RALY: variants seen among roughly 807,000 people sequenced by gnomAD.
RALY encodes RALY heterogeneous nuclear ribonucleoprotein.
Under a neutral mutation model 30.7 loss-of-function variants are expected in RALY, and 15 were observed. That is an observed-to-expected ratio of 0.49 (90% CI 0.33 to 0.75). RALY has a LOEUF of 0.75. Among genes scored for constraint, RALY ranks in the 30% least tolerant of loss-of-function variants. The pLI, the probability that RALY is intolerant of heterozygous loss-of-function variation, is 0.02. For missense variants in RALY, 339 were observed against 414.3 expected (o/e 0.82, Z 1.58); for synonymous variants, 177 against 170.8 (o/e 1.04, Z -0.28).
At chr20:34,017,581 A>G (rs1201578018) in intron 1 of RALY, 2 of 152,216 alleles carry the variant, frequency 1.3e-5, no homozygotes, top group African/African-American at 4.8e-5. Context: ...CTCCTTTCCA[A>G]GTTCCCTAAG....
intron 1 of RALY, among the ~76,000 whole-genome samples, chr20:34,019,977 C>T (rs937720515): frequency 2.0e-5 from 3 of 152,098 alleles, no homozygotes; most frequent in Non-Finnish European, 4.4e-5. Context: ...AGGAGAATGG[C>T]GTGAACCCGG....
chr20:34,020,896 A>G (rs1568659343), intron 1 of RALY, among the ~76,000 whole-genome samples: 1 of 152,216 alleles, frequency 6.6e-6, no homozygotes, highest in South Asian at 2.1e-4. Flanking sequence ...CACCTGTCCT[A>G]CCTACCGCTC....
intron 1 of RALY, among the ~76,000 whole-genome samples, chr20:34,026,655 C>T (rs557992938): frequency 6.6e-6 from 1 of 151,958 alleles, no homozygotes; most frequent in East Asian, 1.9e-4. Flanking sequence ...CGTGATCCGC[C>T]CGCCTTGGCC....
intron 2 of RALY, among the ~76,000 whole-genome samples, chr20:34,053,501 A>G (rs2123183937): frequency 7.0e-6 from 1 of 143,526 alleles, no homozygotes; most frequent in East Asian, 2.1e-4. Context: ...GGGCTCAAGC[A>G]GTCCTCCCAC....
intron 2 of RALY, among the ~76,000 whole-genome samples, chr20:34,039,691 A>T (rs2032625449): frequency 6.6e-6 from 1 of 152,074 alleles, no homozygotes. Flanking sequence ...ACCTGATCCT[A>T]CTCCCTCATT....
chr20:34,017,763 A>T (rs879802671), intron 1 of RALY: 5 of 152,250 alleles, frequency 3.3e-5, no homozygotes, highest in Admixed American at 3.3e-4. Context: ...CTCAGCAGCC[A>T]GTGTGGTCAG....
intron 2 of RALY, among the ~76,000 whole-genome samples, chr20:34,057,279 T>C (rs1568685273): frequency 6.6e-5 from 10 of 151,892 alleles, no homozygotes. Flanking sequence ...CATAGAGGGG[T>C]GGGGGTTAGA....
intron 1 of RALY, among the ~76,000 whole-genome samples, chr20:34,012,265 G>A (rs2031431676): frequency 1.3e-5 from 2 of 152,126 alleles, no homozygotes; most frequent in Admixed American, 1.3e-4. Context: ...GGTGGCGGAA[G>A]GTTGCCGTGG....
chr20:34,052,777 G>A (rs762902791), intron 2 of RALY, among the ~76,000 whole-genome samples: 26 of 152,132 alleles, frequency 1.7e-4, no homozygotes, highest in Non-Finnish European at 2.6e-4. Context: ...TCATCCAGTA[G>A]GCCCACAGTC....
chr20:34,042,675 G>T (rs2032744094), intron 2 of RALY, among the ~76,000 whole-genome samples: 1 of 152,208 alleles, frequency 6.6e-6, no homozygotes, highest in South Asian at 2.1e-4. Context: ...GATTTAGATT[G>T]TTAATGAAAG....
chr20:34,005,668 C>G (rs2031126491), intron 1 of RALY, among the ~76,000 whole-genome samples: 1 of 152,180 alleles, frequency 6.6e-6, no homozygotes, highest in Non-Finnish European at 1.5e-5. Context: ...GCCTTTTATA[C>G]ATATAAAATA....
chr20:34,053,131 A>G (rs2033131682), intron 2 of RALY, among the ~76,000 whole-genome samples: 1 of 151,744 alleles, frequency 6.6e-6, no homozygotes, highest in South Asian at 2.1e-4. Context: ...AAGTGCTGGG[A>G]TTACAGGTGT....
chr20:34,076,240 GAGTCC>G, intron 6 of RALY, 200 bp downstream of exon 6: 1 of 698,772 alleles, frequency 1.4e-6, no homozygotes, highest in Non-Finnish European at 2.3e-6. Context: ...TGGGCACAGA[GAGTCC>G]AGTGCTGGAT....
chr20:34,064,120 C>T (rs1339931684), intron 2 of RALY, among the ~76,000 whole-genome samples: 2 of 151,940 alleles, frequency 1.3e-5, no homozygotes, highest in East Asian at 3.9e-4. Context: ...ACTTATTTGG[C>T]AAAAAATAAA....
chr20:34,040,220 G>GTTCAGT (rs2032649391), intron 2 of RALY, among the ~76,000 whole-genome samples: 1 of 152,118 alleles, frequency 6.6e-6, no homozygotes. Context: ...TCAGGTTCAG[G>GTTCAGT]TTCACACCCG....
At chr20:34,013,811 T>C (rs1434573728) in intron 1 of RALY, among the ~76,000 whole-genome samples, 2 of 152,196 alleles carry the variant, frequency 1.3e-5, no homozygotes, top group African/African-American at 4.8e-5. Context: ...CCCTTGTGTC[T>C]CTGAAATAGG....
intron 1 of RALY, among the ~76,000 whole-genome samples, chr20:34,004,422 C>A (rs917996774): frequency 6.6e-6 from 1 of 152,228 alleles, no homozygotes; most frequent in African/African-American, 2.4e-5. Context: ...TCCCTTCCCC[C>A]CTTTTCCAGA....
intron 1 of RALY, among the ~76,000 whole-genome samples, chr20:34,027,901 A>G (rs1241774589): frequency 6.6e-6 from 1 of 152,244 alleles, no homozygotes; most frequent in Non-Finnish European, 1.5e-5. Flanking sequence ...CAGTATAGGA[A>G]TTCCCATTTT....
chr20:34,045,865 T>A (rs1309233517), intron 2 of RALY, among the ~76,000 whole-genome samples: 1 of 152,188 alleles, frequency 6.6e-6, no homozygotes, highest in Non-Finnish European at 1.5e-5. Flanking sequence ...CTTACCTAGT[T>A]AGGAGTAAAA....
Sources: gnomAD v4.1 joint callset for allele counts (sites outside exome capture counted in the v4.1 genomes callset) on GRCh38, gnomAD v4.1.1 for gene constraint, MANE v1.5 for transcripts, NCBI Gene and HGNC (gene_info 2026-07-23, HGNC 2026-07-21) for gene names.